Variants in TXLNG observed in about 807,000 individuals in gnomAD.
TXLNG encodes taxilin gamma.
TXLNG carries 5 observed loss-of-function variants against 38.8 expected under a neutral mutation model. That is an observed-to-expected ratio of 0.13 (90% CI 0.07 to 0.27). The LOEUF (loss-of-function observed/expected upper bound fraction) is 0.27. TXLNG is among the 10% of genes least tolerant of loss of function. The pLI is 1.00. For synonymous variants in TXLNG, 182 were observed against 158.2 expected, an observed-to-expected ratio of 1.15 and a Z score of -1.13; for missense variants, 393 against 398.2, an observed-to-expected ratio of 0.99 and a Z score of 0.11.
intron 2 of TXLNG, 96 bp downstream of exon 2, chrX:16,818,973 G>A (rs776620216): frequency 7.4e-6 from 7 of 946,020 alleles, no homozygotes; most frequent in Non-Finnish European, 1.0e-5. Context: ...CACTTTAGAG[G>A]TGCTTAGCCA....
intron 3 of TXLNG, among the ~76,000 whole-genome samples, chrX:16,826,403 T>C (rs749118816): frequency 8.9e-6 from 1 of 112,141 alleles, no homozygotes; most frequent in East Asian, 2.8e-4. Context: ...TGACTCAGCA[T>C]CATTTTCTTT....
intron 3 of TXLNG, among the ~76,000 whole-genome samples, chrX:16,821,070 T>TTC (rs1275937684): frequency 1.9e-5 from 2 of 107,497 alleles, no homozygotes; most frequent in Non-Finnish European, 3.9e-5. Flanking sequence ...CGCCCGTCCA[T>TTC]TCTCAGCTAT....
Position 16,841,757 on chromosome X carries a change from G to T in TXLNG, c.1578G>T (p.Ser526=). ...CAGGCTCTGCTCCGGCCATCGAGTC[G>T]GTTGACTAAGATGAGGTGTGATCAC... ...PSTGSAPAIE[S]VD is the part of the protein sequence containing the mutation. The change falls in exon 10 of 10, where the codon TCG becomes TCT. Residue 526 remains serine, a synonymous_variant. Transcript: ENST00000380122. 1 of 1,208,470 alleles carries T rather than the reference G, an allele frequency of 8.3e-7. No homozygotes were observed.
At chrX:16,826,636 A>T (rs1314866503) in intron 3 of TXLNG, among the ~76,000 whole-genome samples, 1 of 111,531 alleles carries the variant, frequency 9.0e-6, no homozygotes, top group Non-Finnish European at 1.9e-5. Flanking sequence ...AGCATCATTT[A>T]AAAAAACAAA....
At chrX:16,801,360 A>G (rs1928084018) in intron 1 of TXLNG, among the ~76,000 whole-genome samples, 1 of 111,215 alleles carries the variant, frequency 9.0e-6, no homozygotes, top group South Asian at 3.8e-4. Flanking sequence ...TAATTTTTGT[A>G]TTTTTAGTAG....
chrX:16,804,056 A>G (rs183963444), intron 1 of TXLNG, among the ~76,000 whole-genome samples: 12 of 112,299 alleles, frequency 1.1e-4, no homozygotes, highest in Non-Finnish European at 2.1e-4. Context: ...AGAAAAAATA[A>G]TTCTTCATTT....
At chrX:16,822,635 C>G (rs946734436) in intron 3 of TXLNG, among the ~76,000 whole-genome samples, 1 of 111,262 alleles carries the variant, frequency 9.0e-6, no homozygotes, top group Non-Finnish European at 1.9e-5. Context: ...AGAAGAAAGA[C>G]AAGAACAGAA....
chrX:16,800,557 G>A (rs1189225323), intron 1 of TXLNG, among the ~76,000 whole-genome samples: 2 of 99,034 alleles, frequency 2.0e-5, no homozygotes, highest in Non-Finnish European at 4.1e-5. Context: ...CTGGAGAGGA[G>A]GAAACTTTTT....
chrX:16,836,593 G>A (rs1420909704), intron 7 of TXLNG, among the ~76,000 whole-genome samples: 1 of 112,021 alleles, frequency 8.9e-6, no homozygotes, highest in African/African-American at 3.2e-5. Context: ...AAGTGCTTCC[G>A]GGATGGCCCG....
At chrX:16,800,489 C>A (rs1030219826) in intron 1 of TXLNG, among the ~76,000 whole-genome samples, 3 of 110,137 alleles carry the variant, frequency 2.7e-5, no homozygotes. Context: ...CTCAAACAAT[C>A]TGCCCACCTC....
At chrX:16,798,071 G>A (rs763657740) in intron 1 of TXLNG, among the ~76,000 whole-genome samples, 15 of 112,345 alleles carry the variant, frequency 1.3e-4, no homozygotes, top group African/African-American at 4.8e-4. Context: ...GTGGATAATT[G>A]TGGAAATCCT....
At chrX:16,792,598 C>G (rs1194564835) in intron 1 of TXLNG, among the ~76,000 whole-genome samples, 1 of 108,574 alleles carries the variant, frequency 9.2e-6, no homozygotes, top group Non-Finnish European at 1.9e-5. Context: ...TTGGGCAACA[C>G]AGGGAGACCC....
chrX:16,791,984 CT>C (rs1393835189), intron 1 of TXLNG, among the ~76,000 whole-genome samples: 1 of 112,217 alleles, frequency 8.9e-6, no homozygotes, highest in Non-Finnish European at 1.9e-5. Context: ...TGACATAAAA[CT>C]GCTTTTGTGG....
chrX:16,802,746 A>T (rs1234742324), intron 1 of TXLNG, among the ~76,000 whole-genome samples: 1 of 111,484 alleles, frequency 9.0e-6, no homozygotes, highest in Non-Finnish European at 1.9e-5. Flanking sequence ...AAAAAATAAA[A>T]GTAATACATT....
At position 16,797,904 on chromosome X, in the gene TXLNG, A is replaced by G. The variant is rs186482795; in HGVS notation, c.102+11315A>G. ...TTACTGGAAAGAGTGGCATTCTTTC[A>G]CATTTTTGCAGATCTCTATAATGAA... On this transcript the variant is annotated intron_variant, in intron 1 of 9. Transcript: ENST00000380122. 1.8e-3 allele frequency among the ~76,000 whole-genome samples: 199 copies of G among 111,953 alleles called. 1 individual carries two copies. The highest frequency in any genetic ancestry group is 6.0e-3 in the African/African-American group (186 of 30,881).
At chrX:16,825,552 G>GT (rs1267628077) in intron 3 of TXLNG, among the ~76,000 whole-genome samples, 62 of 111,984 alleles carry the variant, frequency 5.5e-4, no homozygotes, top group African/African-American at 1.9e-3. Context: ...CTACTTGTTT[G>GT]TTTATTTTTC....
At chrX:16,818,018 A>G (rs1299885659) in intron 1 of TXLNG, among the ~76,000 whole-genome samples, 1 of 111,604 alleles carries the variant, frequency 9.0e-6, no homozygotes, top group Non-Finnish European at 1.9e-5. Context: ...GCTTCTAAGA[A>G]TAAAAGTCTT....
At position 16,843,156 on chromosome X, in the gene TXLNG, C is replaced by CAA. The variant is rs1378088209; in HGVS notation, c.*1393_*1394dup. 1.8e-5 allele frequency: 2 copies of CAA among 112,455 alleles called. No individual in the cohort carries two copies. Among genetic ancestry groups the CAA allele is most frequent in the Non-Finnish European group, 3.8e-5 (2 of 53,315 alleles). 9.3% of individuals were successfully genotyped at this position (112,455 alleles called of 1,213,427 possible). A position where few individuals can be genotyped will look rare whatever the true frequency, so the allele number is the denominator to read the frequency against. ...ACTGATGTTAGCACATTCCACTGAG[C>CAA]AAAACTATCAGACTGACACTTGTTA... On this transcript the variant is annotated 3_prime_UTR_variant, in exon 10 of 10. Coordinates refer to ENST00000380122, the MANE Select transcript of TXLNG (RefSeq NM_018360.3).
Position 16,841,975 on chromosome X carries a change from A to G in TXLNG, c.*209A>G, listed in dbSNP as rs1166262171. 2.4e-6 allele frequency: 1 copy of G among 417,708 alleles called. No individual in the cohort carries two copies. The highest frequency in any genetic ancestry group is 2.5e-5 in the African/African-American group (1 of 39,902). The allele number at this position is 417,708 out of a possible 1,213,427, so 34.4% of individuals were successfully genotyped here. ...ATTTTCCTCAGCTGTGTTGCACATC[A>G]GCCTCGTTCTCCCTCCACTGGAATG... On this transcript the variant is annotated 3_prime_UTR_variant, in exon 10 of 10. Transcript: ENST00000380122.
Sources: gnomAD v4.1 joint callset for allele counts (sites outside exome capture counted in the v4.1 genomes callset) on GRCh38, gnomAD v4.1.1 for gene constraint, MANE v1.5 for transcripts, NCBI Gene and HGNC (gene_info 2026-07-23, HGNC 2026-07-21) for gene names.